RBMS3: variants seen among roughly 807,000 people sequenced by gnomAD.
RBMS3 encodes the protein RNA binding motif single stranded interacting protein 3, also known as RNA-binding motif, single-stranded-interacting protein 3.
A neutral mutation model predicts 66.8 loss-of-function variants in RBMS3; 27 were observed. The observed-to-expected ratio is 0.40, with a 90% CI of 0.30 to 0.56. The LOEUF is 0.56. RBMS3 is among the 20% of genes least tolerant of loss of function. The pLI, the probability that RBMS3 is intolerant of heterozygous loss-of-function variation, is 0.40. For missense variants in RBMS3, 513 were observed against 549.5 expected, an observed-to-expected ratio of 0.93 and a Z score of 0.66; for synonymous variants, 188 against 183.0, an observed-to-expected ratio of 1.03 and a Z score of -0.22.
rs148241905 is a variant in RBMS3, at chr3:29,495,821, C to T, written c.307+7322C>T. 1.7e-3 allele frequency among the ~76,000 whole-genome samples: 252 copies of T among 152,148 alleles called. 2 individuals are homozygous for T. Among genetic ancestry groups the T allele is most frequent in the African/African-American group, 5.9e-3 (243 of 41,516 alleles). ...GAGTAATTACAGGACATGAGGTATC[C>T]TTTACCTATGGATTAGTTTTAACAA... On this transcript the variant is annotated intron_variant, in intron 3 of 14. Transcript: ENST00000383767.
chr3:29,962,299 G>C (rs1344405565), intron 12 of RBMS3, among the ~76,000 whole-genome samples: 20 of 151,224 alleles, frequency 1.3e-4, no homozygotes, highest in Admixed American at 1.2e-3. Context: ...GAAATCCAAT[G>C]ATCAGTACCT....
intron 12 of RBMS3, among the ~76,000 whole-genome samples, chr3:29,953,151 TGAA>T (rs539048757): frequency 1.1e-4 from 16 of 151,800 alleles, no homozygotes; most frequent in Admixed American, 2.6e-4. Context: ...GGGAAGGGTG[TGAA>T]GAAGTGACCA....
intron 4 of RBMS3, among the ~76,000 whole-genome samples, chr3:29,681,162 G>T (rs987610689): frequency 6.6e-6 from 1 of 151,958 alleles, no homozygotes; most frequent in African/African-American, 2.4e-5. Context: ...CTACTTGTTG[G>T]CCTATATATC....
At chr3:29,292,013 C>A (rs1213901110) in intron 1 of RBMS3, among the ~76,000 whole-genome samples, 1 of 151,606 alleles carries the variant, frequency 6.6e-6, no homozygotes, top group African/African-American at 2.4e-5. Flanking sequence ...TCTCTGTAGC[C>A]CCATATATAT....
chr3:29,353,964 C>T (rs1017696592), intron 1 of RBMS3, among the ~76,000 whole-genome samples: 4 of 152,008 alleles, frequency 2.6e-5, no homozygotes, highest in African/African-American at 7.2e-5. Context: ...TTGGCTGACA[C>T]GAATTAGTAT....
At chr3:29,312,211 G>A (rs1273372248) in intron 1 of RBMS3, among the ~76,000 whole-genome samples, 2 of 151,684 alleles carry the variant, frequency 1.3e-5, no homozygotes, top group African/African-American at 4.8e-5. Flanking sequence ...TAATACTGGG[G>A]TTACATTCTA....
intron 14 of RBMS3, among the ~76,000 whole-genome samples, chr3:29,999,966 T>A (rs1699507339): frequency 6.7e-6 from 1 of 150,108 alleles, no homozygotes; most frequent in Admixed American, 6.6e-5. Flanking sequence ...TAGAAGAAAA[T>A]CAGGACATAG....
At chr3:29,379,115 A>G (rs1350544238) in intron 1 of RBMS3, among the ~76,000 whole-genome samples, 1 of 152,182 alleles carries the variant, frequency 6.6e-6, no homozygotes, top group Non-Finnish European at 1.5e-5. Context: ...CACTGAACAC[A>G]CATATATATG....
At chr3:29,637,383 T>G (rs1295757665) in intron 4 of RBMS3, among the ~76,000 whole-genome samples, 1 of 151,814 alleles carries the variant, frequency 6.6e-6, no homozygotes, top group African/African-American at 2.4e-5. Context: ...CCAAGTTAAT[T>G]TGGTTAAGGT....
chr3:29,381,980 T>C (rs950666476), intron 1 of RBMS3, among the ~76,000 whole-genome samples: 2 of 152,204 alleles, frequency 1.3e-5, no homozygotes, highest in Non-Finnish European at 2.9e-5. Flanking sequence ...TATCTCTTTC[T>C]TTTTTCCTTA....
intron 3 of RBMS3, among the ~76,000 whole-genome samples, chr3:29,504,038 C>T (rs1408401927): frequency 6.6e-6 from 1 of 152,104 alleles, no homozygotes; most frequent in Non-Finnish European, 1.5e-5. Context: ...GTTCAGAATT[C>T]CCAGCCCACA....
At chr3:29,494,641 T>C (rs2043672140) in intron 3 of RBMS3, among the ~76,000 whole-genome samples, 1 of 152,222 alleles carries the variant, frequency 6.6e-6, no homozygotes, top group African/African-American at 2.4e-5. Context: ...TTTTCCCCCA[T>C]GTGTTTTCCT....
intron 1 of RBMS3, among the ~76,000 whole-genome samples, chr3:29,316,270 T>C (rs1046914153): frequency 1.3e-5 from 2 of 151,754 alleles, no homozygotes; most frequent in Non-Finnish European, 3.0e-5. Context: ...ATGTCAAATA[T>C]GCATTGCTTA....
chr3:29,692,610 C>T (rs1470193838), intron 4 of RBMS3, among the ~76,000 whole-genome samples: 1 of 152,154 alleles, frequency 6.6e-6, no homozygotes, highest in Non-Finnish European at 1.5e-5. Context: ...ATGTGTTTTC[C>T]TCTTCCCATC....
At chr3:29,833,589 G>T (rs1241938166) in intron 6 of RBMS3, among the ~76,000 whole-genome samples, 1 of 152,074 alleles carries the variant, frequency 6.6e-6, no homozygotes, top group African/African-American at 2.4e-5. Flanking sequence ...AAACAGAAAT[G>T]ATCTGTGAAC....
chr3:29,707,212 G>A (rs1275122429), intron 4 of RBMS3, among the ~76,000 whole-genome samples: 1 of 152,104 alleles, frequency 6.6e-6, no homozygotes, highest in African/African-American at 2.4e-5. Flanking sequence ...ATTTTATCAT[G>A]TGTACTTTAG....
At position 29,468,969 on chromosome 3, in the gene RBMS3, A is replaced by G. The variant is rs574297600; in HGVS notation, c.249-19472A>G. ...CACAAACTCAAGATGTTCCTCCAAA[A>G]GCATGGTGAATTATAGAGAAATGGT... On this transcript the variant is annotated intron_variant, in intron 2 of 14. Coordinates refer to ENST00000383767, the MANE Select transcript of RBMS3 (RefSeq NM_001003793.3). Among the ~76,000 whole-genome samples, 94 of 152,260 alleles carry G rather than the reference A, an allele frequency of 6.2e-4. 1 individual carries two copies. The highest frequency in any genetic ancestry group is 1.0e-3 in the Non-Finnish European group (71 of 67,986).
intron 3 of RBMS3, among the ~76,000 whole-genome samples, chr3:29,580,606 T>C (rs1040452408): frequency 2.2e-4 from 34 of 151,612 alleles, no homozygotes; most frequent in Admixed American, 6.6e-5. Context: ...AGAAAAGCCA[T>C]GTTAGAGTTT....
intron 4 of RBMS3, chr3:29,642,741 C>T (rs1034083950): frequency 6.6e-6 from 1 of 152,098 alleles, no homozygotes; most frequent in Non-Finnish European, 1.5e-5. Flanking sequence ...ACAGGAAAAG[C>T]GCATGTGTTC....
Sources: gnomAD v4.1 joint callset for allele counts (sites outside exome capture counted in the v4.1 genomes callset) on GRCh38, gnomAD v4.1.1 for gene constraint, MANE v1.5 for transcripts, NCBI Gene and HGNC (gene_info 2026-07-23, HGNC 2026-07-21) for gene names.